The following FARS2 variants were observed in gnomAD, a reference collection of about 807,000 sequenced individuals.
FARS2 encodes the protein phenylalanyl-tRNA synthetase 2, mitochondrial.
FARS2 carries 40 observed loss-of-function variants against 46.4 expected under a neutral mutation model. That is an observed-to-expected ratio of 0.86 (90% CI 0.67 to 1.12). FARS2 has a LOEUF of 1.12. Among genes scored for constraint, FARS2 ranks in the 50% most tolerant of loss-of-function variants. The pLI is 0.00. For synonymous variants in FARS2, 234 were observed against 214.9 expected, an observed-to-expected ratio of 1.09 and a Z score of -0.78; for missense variants, 513 against 567.9, an observed-to-expected ratio of 0.90 and a Z score of 0.98.
At chr6:5,659,451 G>A (rs538631054) in intron 6 of FARS2, among the ~76,000 whole-genome samples, 23 of 152,268 alleles carry the variant, frequency 1.5e-4, no homozygotes, top group East Asian at 7.7e-4. Context: ...GTGACAGTCC[G>A]GTGAGCAGAT....
chr6:5,765,719 G>A lies in FARS2; in HGVS notation c.1218-5572G>A, dbSNP rs778889091. 1.3e-5 allele frequency among the ~76,000 whole-genome samples: 2 copies of A among 152,172 alleles called. No individual in the cohort carries two copies. The highest frequency in any genetic ancestry group is 2.9e-5 in the Non-Finnish European group (2 of 68,028). ...ACCAGCCCCTCCTGCTGTCATGGGC[G>A]TACTAGGGAACAGTCCTTTGCTCAG... On this transcript the variant is annotated intron_variant, in intron 6 of 6. Transcript: ENST00000274680. This position sits in a 1 kb window ranked among gnomAD's most constrained non-coding sequence, Gnocchi z 4.0.
At chr6:5,639,328 C>A (rs1776693709) in intron 6 of FARS2, among the ~76,000 whole-genome samples, 1 of 152,202 alleles carries the variant, frequency 6.6e-6, no homozygotes, top group Admixed American at 6.5e-5. Flanking sequence ...CATTTCAAGT[C>A]CCATCATGGG....
At chr6:5,441,301 A>C (rs1763831062) in intron 4 of FARS2, among the ~76,000 whole-genome samples, 1 of 152,192 alleles carries the variant, frequency 6.6e-6, no homozygotes, top group Non-Finnish European at 1.5e-5. Flanking sequence ...TTTCACTCCA[A>C]ATGATAACCT....
At chr6:5,706,302 T>C (rs1241884313) in intron 6 of FARS2, among the ~76,000 whole-genome samples, 1 of 152,224 alleles carries the variant, frequency 6.6e-6, no homozygotes, top group African/African-American at 2.4e-5. Context: ...AAACGGGTAC[T>C]GGTCCACAGC....
chr6:5,594,591 A>G (rs1774094578), intron 5 of FARS2, among the ~76,000 whole-genome samples: 1 of 152,230 alleles, frequency 6.6e-6, no homozygotes, highest in African/African-American at 2.4e-5. Flanking sequence ...ATGGAGGTAG[A>G]TGGCAGAAAG....
At chr6:5,295,930 C>T (rs531094544) in intron 1 of FARS2, among the ~76,000 whole-genome samples, 19 of 152,062 alleles carry the variant, frequency 1.2e-4, no homozygotes, top group East Asian at 5.8e-4. Context: ...TGGCAGGGAC[C>T]GTGGGGAGCT....
chr6:5,614,971 T>C (rs1191225394), intron 6 of FARS2, among the ~76,000 whole-genome samples: 1 of 152,232 alleles, frequency 6.6e-6, no homozygotes, highest in Non-Finnish European at 1.5e-5. Flanking sequence ...GATTGTCCTC[T>C]CAAGTTTAAT....
chr6:5,657,756 ACT>A (rs1289660344), intron 6 of FARS2, among the ~76,000 whole-genome samples: 2 of 152,206 alleles, frequency 1.3e-5, no homozygotes. Context: ...CAATTTTATA[ACT>A]CTCAGTTTCC....
chr6:5,418,502 C>G (rs1305643645), intron 3 of FARS2, among the ~76,000 whole-genome samples: 1 of 152,180 alleles, frequency 6.6e-6, no homozygotes, highest in Non-Finnish European at 1.5e-5. Context: ...AGGTTTTCCC[C>G]TTGGCTGTTG....
At chr6:5,561,160 A>G (rs1391180490) in intron 5 of FARS2, among the ~76,000 whole-genome samples, 1 of 152,142 alleles carries the variant, frequency 6.6e-6, no homozygotes, top group Non-Finnish European at 1.5e-5. Context: ...CAAAAAAAGT[A>G]TTGGCATAAA....
intron 6 of FARS2, among the ~76,000 whole-genome samples, chr6:5,690,311 G>T (rs1438497608): frequency 6.6e-6 from 1 of 152,128 alleles, no homozygotes; most frequent in Non-Finnish European, 1.5e-5. Context: ...TTTACAATTT[G>T]GCATGATTTT....
intron 6 of FARS2, among the ~76,000 whole-genome samples, chr6:5,716,904 A>G (rs9502331): frequency 0.048 from 7,307 of 152,212 alleles, 594 homozygotes; most frequent in African/African-American, 0.16. Flanking sequence ...CTCTCTATAC[A>G]CCGTTCTCCC....
chr6:5,711,977 A>C (rs1759201416), intron 6 of FARS2, among the ~76,000 whole-genome samples: 2 of 152,198 alleles, frequency 1.3e-5, no homozygotes, highest in Non-Finnish European at 2.9e-5. Context: ...ACTCTGCAGT[A>C]TCTTTCCAAT....
chr6:5,550,590 ATG>A, intron 5 of FARS2, among the ~76,000 whole-genome samples: 1 of 152,332 alleles, frequency 6.6e-6, no homozygotes, highest in Admixed American at 6.5e-5. Flanking sequence ...TAAGGGTGGC[ATG>A]TATATGCAGG....
chr6:5,659,663 G>C (rs935480859), intron 6 of FARS2, among the ~76,000 whole-genome samples: 1 of 152,182 alleles, frequency 6.6e-6, no homozygotes, highest in Non-Finnish European at 1.5e-5. Flanking sequence ...CCTGAGCTAT[G>C]CTGCACAACA....
intron 4 of FARS2, among the ~76,000 whole-genome samples, chr6:5,454,849 C>T (rs2742982): frequency 0.72 from 109,864 of 152,126 alleles, 39,998 homozygotes; most frequent in East Asian, 0.91. Context: ...GCAAGCCTTT[C>T]GGTTCTCCCT....
At chr6:5,604,231 A>G (rs1325620203) in intron 5 of FARS2, among the ~76,000 whole-genome samples, 3 of 152,156 alleles carry the variant, frequency 2.0e-5, no homozygotes, top group African/African-American at 7.2e-5. Context: ...TTCCTCTGTC[A>G]TCGCTCGTAG....
intron 1 of FARS2, among the ~76,000 whole-genome samples, chr6:5,355,608 C>T (rs1269032292): frequency 2.0e-5 from 3 of 151,996 alleles, no homozygotes; most frequent in African/African-American, 4.8e-5. Flanking sequence ...CCGTACGCCT[C>T]GGCCTCCCAA....
At chr6:5,724,940 T>C (rs890209690) in intron 6 of FARS2, among the ~76,000 whole-genome samples, 1 of 152,262 alleles carries the variant, frequency 6.6e-6, no homozygotes, top group Non-Finnish European at 1.5e-5. Context: ...AGACCTTTCC[T>C]TCCAGGAGAC....
Sources: allele counts gnomAD v4.1 joint callset (sites outside exome capture counted in the v4.1 genomes callset), GRCh38; gene constraint gnomAD v4.1.1; non-coding constraint Gnocchi (gnomAD v3.1); transcripts MANE v1.5; gene names NCBI Gene and HGNC (gene_info 2026-07-23, HGNC 2026-07-21).